Variants in DOK6 observed in about 807,000 individuals in gnomAD.
DOK6 encodes docking protein 6.
A neutral mutation model predicts 44.0 loss-of-function variants in DOK6; 22 were observed. That is an observed-to-expected ratio of 0.50 (90% CI 0.36 to 0.71). The LOEUF (loss-of-function observed/expected upper bound fraction) is 0.71. DOK6 is among the 30% of genes least tolerant of loss of function. DOK6 has a pLI of 0.00. For missense variants in DOK6, 340 were observed against 416.4 expected, an observed-to-expected ratio of 0.82 and a Z score of 1.60; for synonymous variants, 166 against 145.5, an observed-to-expected ratio of 1.14 and a Z score of -1.01.
At chr18:69,833,350 GTTAT>G in intron 7 of DOK6, among the ~76,000 whole-genome samples, 1 of 152,140 alleles carries the variant, frequency 6.6e-6, no homozygotes, top group South Asian at 2.1e-4. Context: ...GAGAAAACTG[GTTAT>G]TTATACACAG....
intron 3 of DOK6, among the ~76,000 whole-genome samples, chr18:69,614,544 T>TTG (rs34596745): frequency 0.26 from 38,957 of 148,748 alleles, 5,194 homozygotes; most frequent in Middle Eastern, 0.43. Flanking sequence ...TATTTTTTCT[T>TTG]TGTGTGTGTG....
intron 1 of DOK6, among the ~76,000 whole-genome samples, chr18:69,444,532 T>A (rs1323407306): frequency 6.6e-6 from 1 of 152,206 alleles, no homozygotes; most frequent in Non-Finnish European, 1.5e-5. Flanking sequence ...TGGGAAGAAT[T>A]TGCCATCTTT....
At chr18:69,512,472 T>C (rs1981400753) in intron 1 of DOK6, among the ~76,000 whole-genome samples, 2 of 151,256 alleles carry the variant, frequency 1.3e-5, no homozygotes, top group South Asian at 2.1e-4. Context: ...GCCTCCTGAA[T>C]AGCTGGGACT....
At chr18:69,797,753 C>G (rs1278834228) in intron 7 of DOK6, among the ~76,000 whole-genome samples, 1 of 152,030 alleles carries the variant, frequency 6.6e-6, no homozygotes. Flanking sequence ...TTCTTACTTC[C>G]TCACAGTGCT....
rs1041985800 is a variant in DOK6 at position 69,692,621 on chromosome 18, C to T, written c.410-5783C>T. ...TGAGTCTTAACTTTATGGAATCACTCGTTAATAAAAACAATGAAGTGAAAT... is the reference window on the plus strand; with the variant it reads ...TGAGTCTTAACTTTATGGAATCACTTGTTAATAAAAACAATGAAGTGAAAT... On this transcript the variant is annotated intron_variant, in intron 4 of 7. Transcript: ENST00000382713. Among the ~76,000 whole-genome samples the T allele has an allele frequency of 5.9e-5, 9 of 152,282 alleles. No homozygotes were observed. In the East Asian group the frequency reaches 9.6e-4, roughly 16 times the overall value.
At position 69,848,343 on chromosome 18, in the gene DOK6, CTTG is replaced by C. The variant is rs1377035177; in HGVS notation, c.*6963_*6965del. ...AAGAAATAACTTTGGACATTAGGCCCTTGTTAAGAAATAAAACACCCATTATAA... is the reference window on the plus strand; with the variant it reads ...AAGAAATAACTTTGGACATTAGGCCCTTAAGAAATAAAACACCCATTATAA... On this transcript the variant is annotated 3_prime_UTR_variant, in exon 8 of 8. Transcript: ENST00000382713. 6 of 152,058 alleles carry C rather than the reference CTTG, an allele frequency of 3.9e-5. No individual in the cohort carries two copies. Among genetic ancestry groups the C allele is most frequent in the African/African-American group, 1.4e-4 (6 of 41,394 alleles). 9.4% of individuals were successfully genotyped at this position (152,058 alleles called of 1,614,324 possible).
chr18:69,630,623 A>T (rs1222425837), intron 3 of DOK6, among the ~76,000 whole-genome samples: 1 of 152,222 alleles, frequency 6.6e-6, no homozygotes, highest in African/African-American at 2.4e-5. Flanking sequence ...GCGGATAGAT[A>T]TATAATTCTT....
At chr18:69,835,750 G>A (rs1982037074) in intron 7 of DOK6, among the ~76,000 whole-genome samples, 2 of 152,106 alleles carry the variant, frequency 1.3e-5, no homozygotes, top group South Asian at 2.1e-4. Flanking sequence ...AGATGACTTT[G>A]TTATTTATTT....
At chr18:69,575,019 AC>A (rs1449187543) in intron 2 of DOK6, among the ~76,000 whole-genome samples, 1 of 152,080 alleles carries the variant, frequency 6.6e-6, no homozygotes, top group Non-Finnish European at 1.5e-5. Context: ...TACAGTGTAC[AC>A]CCTTCAGGCC....
chr18:69,513,010 C>A (rs1981415649), intron 1 of DOK6, among the ~76,000 whole-genome samples: 2 of 151,976 alleles, frequency 1.3e-5, no homozygotes, highest in African/African-American at 2.4e-5. Context: ...TTATTATACA[C>A]CACAATTAGC....
intron 7 of DOK6, among the ~76,000 whole-genome samples, chr18:69,788,065 G>A (rs72951549): frequency 0.025 from 3,762 of 152,236 alleles, 55 homozygotes; most frequent in Middle Eastern, 0.051. Context: ...GAGCCACTTG[G>A]GGGACAAGGG....
intron 1 of DOK6, among the ~76,000 whole-genome samples, chr18:69,530,670 A>T (rs1392449606): frequency 6.6e-6 from 1 of 152,082 alleles, no homozygotes; most frequent in Non-Finnish European, 1.5e-5. Context: ...TGCTGAGGAG[A>T]GCTTTACTTC....
intron 1 of DOK6, among the ~76,000 whole-genome samples, chr18:69,514,251 T>TAAA (rs5825944): frequency 6.7e-6 from 1 of 149,920 alleles, no homozygotes; most frequent in African/African-American, 2.5e-5. Context: ...TGTAAATGAG[T>TAAA]AAAAAAAAAG....
chr18:69,652,970 G>T (rs1373873023), intron 3 of DOK6, among the ~76,000 whole-genome samples: 1 of 152,226 alleles, frequency 6.6e-6, no homozygotes, highest in Non-Finnish European at 1.5e-5. Flanking sequence ...GATGATGTCT[G>T]TAGTTTGAAA....
At chr18:69,638,615 A>G (rs1984866199) in intron 3 of DOK6, among the ~76,000 whole-genome samples, 1 of 152,102 alleles carries the variant, frequency 6.6e-6, no homozygotes, top group Non-Finnish European at 1.5e-5. Context: ...AGTTTGGTTT[A>G]ACAGATTAAT....
intron 1 of DOK6, among the ~76,000 whole-genome samples, chr18:69,458,196 A>G (rs1979683037): frequency 6.6e-6 from 1 of 152,192 alleles, no homozygotes; most frequent in African/African-American, 2.4e-5. Flanking sequence ...AAACTTTTTC[A>G]CCACAATCAA....
intron 1 of DOK6, among the ~76,000 whole-genome samples, chr18:69,517,480 A>G (rs1200974625): frequency 6.6e-6 from 1 of 152,150 alleles, no homozygotes; most frequent in African/African-American, 2.4e-5. Flanking sequence ...TGGCTGATTG[A>G]ACTATATAGA....
chr18:69,568,431 T>C (rs1295643777), intron 2 of DOK6, among the ~76,000 whole-genome samples: 1 of 152,146 alleles, frequency 6.6e-6, no homozygotes, highest in Non-Finnish European at 1.5e-5. Flanking sequence ...AGTCCCTGGG[T>C]CTCTGAAAAA....
At chr18:69,578,114 C>T (rs919883304) in intron 2 of DOK6, among the ~76,000 whole-genome samples, 1 of 152,042 alleles carries the variant, frequency 6.6e-6, no homozygotes, top group Non-Finnish European at 1.5e-5. Flanking sequence ...ATACCTGTAT[C>T]ACTGATCTGG....
Sources: allele counts gnomAD v4.1 joint callset (sites outside exome capture counted in the v4.1 genomes callset), GRCh38; gene constraint gnomAD v4.1.1; transcripts MANE v1.5; gene names NCBI Gene and HGNC (gene_info 2026-07-23, HGNC 2026-07-21).